The following PATL2 variants were observed in gnomAD, a reference collection of about 807,000 sequenced individuals.
The protein encoded by PATL2 is PAT1 homolog 2, also known as protein PAT1 homolog 2.
PATL2 carries 73 observed loss-of-function variants against 77.0 expected under a neutral mutation model. The observed-to-expected ratio is 0.95, with a 90% confidence interval of 0.78 to 1.15. The LOEUF is 1.15. PATL2 is among the 50% of genes most tolerant of loss of function. The pLI, the probability that PATL2 is intolerant of heterozygous loss-of-function variation, is 0.00. For synonymous variants in PATL2, 265 were observed against 257.1 expected (o/e 1.03, Z -0.29); for missense variants, 618 against 655.4 (o/e 0.94, Z 0.62).
Position 44,672,421 on chromosome 15 carries a change from A to G in PATL2, c.482T>C (p.Ile161Thr). ...LTQLHPRHQR[I>T]LQQQQHSQTP... ...TTGACTATGCTGCTGCTGCTGCAAGATTCGTTGGTGCCGAGGGTGGAGCTG... is the reference window on the plus strand; with the variant it reads ...TTGACTATGCTGCTGCTGCTGCAAGGTTCGTTGGTGCCGAGGGTGGAGCTG... Residue 161 changes from isoleucine to threonine, a missense_variant, in exon 8 of 18, where the codon ATC becomes ACC. By Grantham distance (89) the Ile-to-Thr change is moderately conservative. Coordinates refer to ENST00000682850, the MANE Select transcript of PATL2 (RefSeq NM_001387263.1). 1 of 1,551,662 alleles carries G rather than the reference A, an allele frequency of 6.4e-7. No homozygotes were observed. Among genetic ancestry groups the G allele is most frequent in the Non-Finnish European group, 8.7e-7 (1 of 1,146,986 alleles).
At chr15:44,684,514 T>C (rs1595978523) in intron 3 of PATL2, among the ~76,000 whole-genome samples, 1 of 151,146 alleles carries the variant, frequency 6.6e-6, no homozygotes, top group African/African-American at 2.4e-5. Flanking sequence ...AAGATCAGCT[T>C]AATGAAATAA....
chr15:44,686,299 T>C (rs1392289590), intron 3 of PATL2, among the ~76,000 whole-genome samples: 5 of 152,198 alleles, frequency 3.3e-5, no homozygotes, highest in African/African-American at 1.2e-4. Flanking sequence ...AACCTGCTCC[T>C]GAATGACTAC....
At chr15:44,671,916 C>T in intron 9 of PATL2, 99 bp downstream of exon 9, 1 of 1,428,122 alleles carries the variant, frequency 7.0e-7, no homozygotes. Flanking sequence ...CCTGAACAGA[C>T]ATGACCTCTA....
chr15:44,702,408 T>C (rs1348286724), intron 3 of PATL2, among the ~76,000 whole-genome samples: 1 of 151,274 alleles, frequency 6.6e-6, no homozygotes, highest in Non-Finnish European at 1.5e-5. Flanking sequence ...GCTAAGGAAT[T>C]GTTGATTTTT....
At chr15:44,706,820 C>G (rs1044864026) in intron 3 of PATL2, among the ~76,000 whole-genome samples, 2 of 152,224 alleles carry the variant, frequency 1.3e-5, no homozygotes, top group Non-Finnish European at 2.9e-5. Flanking sequence ...GCCAGCCAAG[C>G]TTATGTCCCT....
intron 3 of PATL2, among the ~76,000 whole-genome samples, chr15:44,695,652 G>C (rs192356056): frequency 2.0e-4 from 30 of 152,254 alleles, no homozygotes; most frequent in Non-Finnish European, 3.7e-4. Flanking sequence ...TACAGAGACA[G>C]CTGTTTTCCT....
At chr15:44,706,104 CA>C (rs369448278) in intron 3 of PATL2, among the ~76,000 whole-genome samples, 7 of 152,276 alleles carry the variant, frequency 4.6e-5, no homozygotes, top group African/African-American at 1.7e-4. Context: ...CTGACCAAAA[CA>C]GCTATTTTGA....
At chr15:44,682,251 A>G (rs1226654619) in intron 3 of PATL2, among the ~76,000 whole-genome samples, 3 of 152,232 alleles carry the variant, frequency 2.0e-5, no homozygotes, top group Non-Finnish European at 4.4e-5. Flanking sequence ...CAAATGGGAA[A>G]AACAAACTCG....
intron 5 of PATL2, chr15:44,674,508 AC>A (rs2085852296): frequency 3.3e-6 from 1 of 301,974 alleles, no homozygotes; most frequent in Non-Finnish European, 6.1e-6. Context: ...ATAGTACTAA[AC>A]CCTGTGTATA....
Position 44,676,523 on chromosome 15 carries a change from T to C in PATL2, c.-33A>G. On this transcript the variant is annotated 5_prime_UTR_variant, in exon 4 of 18. Transcript: ENST00000682850. The stretch of plus-strand genomic sequence containing the variant: ...GGCTGGTGGACTTCCTTCTTAGCCG[T>C]GTCCTCCAGTGAAACAGCATTGCCA... 1 of 1,551,358 alleles carries C rather than the reference T, an allele frequency of 6.4e-7. No individual in the cohort carries two copies. Among genetic ancestry groups the C allele is most frequent in the Non-Finnish European group, 8.7e-7 (1 of 1,146,770 alleles).
chr15:44,686,388 C>A (rs1019533999), intron 3 of PATL2, among the ~76,000 whole-genome samples: 2 of 152,176 alleles, frequency 1.3e-5, no homozygotes, highest in Admixed American at 6.5e-5. Context: ...GTACCAGCAT[C>A]TCTGGGCCAC....
chr15:44,690,592 C>T (rs771101995), intron 3 of PATL2, among the ~76,000 whole-genome samples: 1 of 151,942 alleles, frequency 6.6e-6, no homozygotes, highest in Non-Finnish European at 1.5e-5. Context: ...CCCACCTTGG[C>T]CTCCCAAAGT....
chr15:44,690,016 C>T (rs2086352827), intron 3 of PATL2, among the ~76,000 whole-genome samples: 1 of 152,024 alleles, frequency 6.6e-6, no homozygotes, highest in African/African-American at 2.4e-5. Context: ...ATGGAGAAAC[C>T]CCATCTCTAC....
chr15:44,666,371 C>T (rs1253849378), intron 17 of PATL2, 21 bp downstream of exon 17: 1 of 1,551,496 alleles, frequency 6.4e-7, no homozygotes, highest in Non-Finnish European at 8.7e-7. Context: ...GGGCTTTGAC[C>T]TTGTTTCTGC....
intron 8 of PATL2, 52 bp downstream of exon 8, chr15:44,672,336 A>G: frequency 6.5e-7 from 1 of 1,533,426 alleles, no homozygotes; most frequent in Non-Finnish European, 8.8e-7. Flanking sequence ...ACAAGGGGAG[A>G]CCCGGCATGC....
chr15:44,694,799 T>C (rs1488870001), intron 3 of PATL2, among the ~76,000 whole-genome samples: 2 of 152,178 alleles, frequency 1.3e-5, no homozygotes, highest in Non-Finnish European at 1.5e-5. Flanking sequence ...CCCATTGGAA[T>C]GGCTGACACC....
intron 4 of PATL2, chr15:44,675,911 G>C (rs1336552190): frequency 5.6e-6 from 3 of 535,596 alleles, no homozygotes; most frequent in East Asian, 6.2e-5. Flanking sequence ...GCCAGGTGTG[G>C]TGGCTCGTGC....
intron 3 of PATL2, among the ~76,000 whole-genome samples, chr15:44,697,162 CCTCCTCCTCCTT>C (rs963109038): frequency 3.3e-5 from 5 of 150,372 alleles, no homozygotes; most frequent in African/African-American, 5.0e-5. Flanking sequence ...TCTTCCCCTT[CCTCCTCCTCCTT>C]CTCCTCCTCC....
At chr15:44,701,417 T>G (rs1471831197) in intron 3 of PATL2, among the ~76,000 whole-genome samples, 1 of 151,938 alleles carries the variant, frequency 6.6e-6, no homozygotes. Context: ...TAACTGAGGC[T>G]GGGCATGGTG....
Sources: gnomAD v4.1 joint callset for allele counts (sites outside exome capture counted in the v4.1 genomes callset) on GRCh38, gnomAD v4.1.1 for gene constraint, MANE v1.5 for transcripts, NCBI Gene and HGNC (gene_info 2026-07-23, HGNC 2026-07-21) for gene names.